Variants in SYNE2 observed in about 807,000 individuals in gnomAD.
The protein encoded by SYNE2 is spectrin repeat containing nuclear envelope protein 2, also known as nesprin-2.
Under a neutral mutation model 856.3 loss-of-function variants are expected in SYNE2, and 431 were observed. The observed-to-expected ratio is 0.50, with a 90% CI of 0.47 to 0.55. The LOEUF is 0.55. Among genes scored for constraint, SYNE2 ranks in the 20% least tolerant of loss-of-function variants. The pLI is 0.00. For missense variants in SYNE2, 8,129 were observed against 8,023.2 expected (o/e 1.01, Z -0.50); for synonymous variants, 2,923 against 2,872.3 (o/e 1.02, Z -0.56).
chr14:63,925,213 T>C (rs562562342), intron 2 of SYNE2, among the ~76,000 whole-genome samples: 1 of 152,214 alleles, frequency 6.6e-6, no homozygotes, highest in South Asian at 2.1e-4. Flanking sequence ...TCCCAGCTAC[T>C]TGGGAAGCTG....
intron 8 of SYNE2, 151 bp from the exon 9 acceptor site, chr14:63,961,374 T>A: frequency 1.4e-6 from 1 of 697,846 alleles, no homozygotes; most frequent in South Asian, 1.5e-5. Context: ...GCAGCAAGGC[T>A]GAGTAAACAG....
intron 45 of SYNE2, 70 bp from the exon 46 acceptor site, chr14:64,047,930 A>T: frequency 3.3e-6 from 5 of 1,526,982 alleles, no homozygotes; most frequent in Non-Finnish European, 4.5e-6. Context: ...GAATGTTTTC[A>T]TCAAGAAAAA....
chr14:64,212,715 C>T (rs373288138), intron 104 of SYNE2, 96 bp from the exon 105 acceptor site: 12 of 1,121,692 alleles, frequency 1.1e-5, no homozygotes, highest in African/African-American at 4.6e-5. Context: ...ACAATAATGA[C>T]ATTTGGATGC....
At chr14:64,217,289 G>T (rs182215260) in intron 108 of SYNE2, among the ~76,000 whole-genome samples, 185 of 149,446 alleles carry the variant, frequency 1.2e-3, no homozygotes, top group African/African-American at 4.3e-3. Context: ...TATTGGTCGT[G>T]ATTATTATTC....
intron 96 of SYNE2, among the ~76,000 whole-genome samples, chr14:64,180,196 A>G (rs1480790264): frequency 2.6e-5 from 4 of 152,182 alleles, no homozygotes; most frequent in African/African-American, 7.2e-5. Context: ...TGGTCTGTGT[A>G]TGTCAGCTTT....
At chr14:63,887,142 G>A (rs939813398) in intron 1 of SYNE2, among the ~76,000 whole-genome samples, 4 of 152,038 alleles carry the variant, frequency 2.6e-5, no homozygotes, top group Admixed American at 6.6e-5. Flanking sequence ...TTAGCTGGGC[G>A]TAGTGGCCTG....
At chr14:64,063,970 G>A (rs1347180297) in intron 50 of SYNE2, among the ~76,000 whole-genome samples, 1 of 152,116 alleles carries the variant, frequency 6.6e-6, no homozygotes, top group Non-Finnish European at 1.5e-5. Context: ...GCAGTCAGAG[G>A]TCAACAACAA....
At chr14:63,999,943 T>C (rs567462885) in intron 27 of SYNE2, among the ~76,000 whole-genome samples, 1 of 152,322 alleles carries the variant, frequency 6.6e-6, no homozygotes, top group Non-Finnish European at 1.5e-5. Flanking sequence ...TAAGCAACTG[T>C]CTTGAGACGT....
At chr14:63,893,544 A>G (rs2095184037) in intron 1 of SYNE2, among the ~76,000 whole-genome samples, 2 of 152,216 alleles carry the variant, frequency 1.3e-5, no homozygotes, top group South Asian at 2.1e-4. Flanking sequence ...AGCCTGGGCA[A>G]TAGAGCAAGT....
At chr14:64,188,497 G>A in intron 97 of SYNE2, 53 bp from the exon 98 acceptor site, 1 of 1,605,446 alleles carries the variant, frequency 6.2e-7, no homozygotes, top group Admixed American at 1.7e-5. Context: ...GGAGAGAAGG[G>A]GGTGCTTTCC....
chr14:63,987,418 A>G (rs909468504), intron 19 of SYNE2, among the ~76,000 whole-genome samples: 1 of 152,212 alleles, frequency 6.6e-6, no homozygotes, highest in Non-Finnish European at 1.5e-5. Context: ...CAGTGAGGCA[A>G]GAGTGTGTCT....
At chr14:63,894,938 G>A (rs2095219845) in intron 1 of SYNE2, among the ~76,000 whole-genome samples, 1 of 152,070 alleles carries the variant, frequency 6.6e-6, no homozygotes, top group African/African-American at 2.4e-5. Context: ...ATGATAGTAG[G>A]TCACAAAGTC....
chr14:64,184,329 GGTGTGTGTGTGTGTGTGT>G (rs767980383), intron 96 of SYNE2, among the ~76,000 whole-genome samples: 21 of 144,162 alleles, frequency 1.5e-4, no homozygotes, highest in Non-Finnish European at 2.6e-4. Flanking sequence ...TATGCATAGG[GGTGTGTGTGTGTGTGTGT>G]GTGTGTGTGT....
chr14:64,094,128 C>T (rs1227710129), intron 61 of SYNE2, among the ~76,000 whole-genome samples: 2 of 151,788 alleles, frequency 1.3e-5, no homozygotes, highest in East Asian at 3.9e-4. Flanking sequence ...GTCAGGAGAT[C>T]GAGACCATCC....
At chr14:64,082,652 G>T (rs1302843188) in intron 57 of SYNE2, among the ~76,000 whole-genome samples, 1 of 152,188 alleles carries the variant, frequency 6.6e-6, no homozygotes, top group Non-Finnish European at 1.5e-5. Context: ...GCACCGGACT[G>T]CATCCTTGTG....
At chr14:63,871,787 C>T (rs540831764) in intron 1 of SYNE2, among the ~76,000 whole-genome samples, 5 of 151,872 alleles carry the variant, frequency 3.3e-5, no homozygotes, top group African/African-American at 4.8e-5. Flanking sequence ...AGCCACTGCA[C>T]CTGGCCAACT....
intron 105 of SYNE2, among the ~76,000 whole-genome samples, chr14:64,213,749 C>T (rs1345920518): frequency 6.6e-6 from 1 of 152,074 alleles, no homozygotes; most frequent in Non-Finnish European, 1.5e-5. Context: ...AATACAGACA[C>T]TGAGCAATTA....
At position 64,052,448 on chromosome 14, in the gene SYNE2, G is replaced by A. The variant is rs766522579; in HGVS notation, c.8535G>A (p.Lys2845=). The change falls in exon 48 of 116, where the codon AAG becomes AAA. Residue 2845 remains lysine (K), a synonymous_variant. Coordinates refer to ENST00000555002, the MANE Select transcript of SYNE2 (RefSeq NM_182914.3). ...ERSNFFAIIR[K]FQLMVQESET... is the part of the protein sequence containing the mutation. ...GCAATTTTTTTGCTATAATAAGGAA[G>A]TTTCAACTTATGGTTCAAGAAAGTG... 2.5e-6 allele frequency: 4 copies of A among 1,613,020 alleles called. No homozygotes were observed. In the South Asian group the frequency reaches 4.4e-5, roughly 18 times the overall value.
At chr14:64,169,367 G>GGT (rs1304633884) in intron 93 of SYNE2, among the ~76,000 whole-genome samples, 1 of 152,180 alleles carries the variant, frequency 6.6e-6, no homozygotes, top group Non-Finnish European at 1.5e-5. Context: ...GTTCCCAGTA[G>GGT]GTAGCTAAAT....
Sources: gnomAD v4.1 joint callset for allele counts (sites outside exome capture counted in the v4.1 genomes callset) on GRCh38, gnomAD v4.1.1 for gene constraint, MANE v1.5 for transcripts, NCBI Gene and HGNC (gene_info 2026-07-23, HGNC 2026-07-21) for gene names.